Variants in PWP1 observed in about 807,000 individuals in gnomAD.
PWP1 encodes the protein PWP1 homolog, endonuclein, also known as periodic tryptophan protein 1 homolog.
Under a neutral mutation model 69.9 loss-of-function variants are expected in PWP1, and 47 were observed. That is an observed-to-expected ratio of 0.67 (90% CI 0.53 to 0.86). The LOEUF (loss-of-function observed/expected upper bound fraction) is 0.86. Ranked by LOEUF, PWP1 falls within the 40% of genes least tolerant of loss-of-function variation. The pLI is 0.00. For missense variants in PWP1, 551 were observed against 608.8 expected (o/e 0.91, Z 1.00); for synonymous variants, 222 against 208.2 (o/e 1.07, Z -0.57).
At chr12:107,692,792 A>G in intron 3 of PWP1, 22 bp from the exon 4 acceptor site, 1 of 1,569,454 alleles carries the variant, frequency 6.4e-7, no homozygotes, top group Non-Finnish European at 8.7e-7. Flanking sequence ...TTATTATTGT[A>G]GTTTGTCAAT....
At chr12:107,697,861 T>C (rs1030989411) in intron 7 of PWP1, 2 of 503,658 alleles carry the variant, frequency 4.0e-6, no homozygotes, top group Admixed American at 2.3e-5. Context: ...ATAGCTACTA[T>C]AGATGAAGGA....
intron 7 of PWP1, among the ~76,000 whole-genome samples, chr12:107,698,038 T>G (rs973646189): frequency 6.6e-6 from 1 of 152,222 alleles, no homozygotes; most frequent in African/African-American, 2.4e-5. Flanking sequence ...GCTATATTGA[T>G]ACTTGTATAA....
At chr12:107,688,908 A>G (rs1477311434) in intron 3 of PWP1, 106 bp downstream of exon 3, 3 of 1,194,152 alleles carry the variant, frequency 2.5e-6, no homozygotes, top group Admixed American at 4.8e-5. Flanking sequence ...TCTTGACATC[A>G]GTAAGATAAT....
chr12:107,702,888 C>A, intron 8 of PWP1, 47 bp from the exon 9 acceptor site: 1 of 1,174,356 alleles, frequency 8.5e-7, no homozygotes, highest in Non-Finnish European at 1.3e-6. Flanking sequence ...ATATTTAATG[C>A]TCTTGACTTT....
chr12:107,704,563 A>G, intron 10 of PWP1, 73 bp from the exon 11 acceptor site: 1 of 989,740 alleles, frequency 1.0e-6, no homozygotes, highest in Non-Finnish European at 1.6e-6. Context: ...CTATTTTATT[A>G]CTATTTCATT....
intron 1 of PWP1, chr12:107,686,229 A>T (rs958865503): frequency 1.8e-6 from 1 of 560,370 alleles, no homozygotes; most frequent in Non-Finnish European, 3.2e-6. Context: ...TCGCACGCAC[A>T]TGGACTTAGC....
At chr12:107,705,800 T>TC (rs1229457520) in intron 11 of PWP1, among the ~76,000 whole-genome samples, 1 of 152,156 alleles carries the variant, frequency 6.6e-6, no homozygotes, top group Non-Finnish European at 1.5e-5. Context: ...TGGTTCCAAG[T>TC]CTTTTCTATC....
At chr12:107,694,378 AAAAAT>A (rs1889543099) in intron 5 of PWP1, among the ~76,000 whole-genome samples, 1 of 152,196 alleles carries the variant, frequency 6.6e-6, no homozygotes, top group African/African-American at 2.4e-5. Context: ...CACAGCTTGA[AAAAAT>A]AAAACCCTTA....
intron 14 of PWP1, 138 bp downstream of exon 14, chr12:107,710,648 G>GTA: frequency 7.4e-7 from 1 of 1,352,042 alleles, no homozygotes; most frequent in Non-Finnish European, 9.7e-7. Context: ...TCAGCCTTCT[G>GTA]TATAGCTGGG....
intron 8 of PWP1, among the ~76,000 whole-genome samples, chr12:107,701,606 T>G (rs184412146): frequency 2.0e-4 from 31 of 152,308 alleles, no homozygotes; most frequent in Admixed American, 5.2e-4. Context: ...TGAGTTTTTT[T>G]TGTGTGTATG....
At position 107,693,084 on chromosome 12, in the gene PWP1, T is replaced by G. The variant is rs1889517145; in HGVS notation, c.490T>G (p.Leu164Val). The G allele has an allele frequency of 6.2e-7, 1 of 1,610,060 alleles. No homozygotes were observed. Among genetic ancestry groups the G allele is most frequent in the Non-Finnish European group, 8.5e-7 (1 of 1,178,792 alleles). The change falls in exon 5 of 15, where the codon TTA (leucine) becomes GTA (valine). Residue 164 changes from leucine to valine, a missense_variant. Transcript: ENST00000412830. ...CCGAGCTGAACAGGACCAGTGCAATTTAGAGGTGCATGGTAAGTGATAAAT... is the reference window on the plus strand; with the variant it reads ...CCGAGCTGAACAGGACCAGTGCAATGTAGAGGTGCATGGTAAGTGATAAAT... ...CGRAEQDQCNLEVHVYNQEED... is the reference protein window; with the variant it reads ...CGRAEQDQCNVEVHVYNQEED...
chr12:107,711,717 T>C (rs1889956684), intron 14 of PWP1, among the ~76,000 whole-genome samples: 1 of 152,188 alleles, frequency 6.6e-6, no homozygotes, highest in African/African-American at 2.4e-5. Context: ...ACAAGGATCC[T>C]GAGATTTTTC....
intron 5 of PWP1, 84 bp from the exon 6 acceptor site, chr12:107,696,390 T>A: frequency 6.5e-7 from 1 of 1,548,416 alleles, no homozygotes; most frequent in East Asian, 2.3e-5. Flanking sequence ...CACGTACATT[T>A]AATAGAATTT....
Position 107,696,583 on chromosome 12 carries a change from T to C in PWP1, c.612T>C (p.Thr204=), listed in dbSNP as rs755803884. 1.4e-5 allele frequency: 23 copies of C among 1,613,922 alleles called. No individual in the cohort carries two copies. The highest frequency in any genetic ancestry group is 1.7e-5 in the Admixed American group (1 of 59,964). ...LNFDPSPDDS[T]GNYIAVGNMT... ...TTGATCCTAGCCCAGATGATTCTACTGGTAATTAGAAAACTTAAGGTTGTT... is the reference window on the plus strand; with the variant it reads ...TTGATCCTAGCCCAGATGATTCTACCGGTAATTAGAAAACTTAAGGTTGTT... The change falls in exon 6 of 15, where the codon ACT becomes ACC. Residue 204 remains threonine (T), a splice_region_variant and synonymous_variant. Coordinates refer to ENST00000412830, the MANE Select transcript of PWP1 (RefSeq NM_007062.3).
chr12:107,712,132 G>T lies in PWP1; in HGVS notation c.1418G>T (p.Arg473Leu). ...VSSVNEAFGR[R>L]ERLVLGSARN... ...TTAGTAAATGAAGCATTTGGAAGAC[G>T]AGAGAGGCTTGTTCTTGGGAGTGCA... Residue 473 changes from arginine to leucine, a missense_variant, in exon 15 of 15, where the codon CGA becomes CTA. Transcript: ENST00000412830. The T allele has an allele frequency of 6.2e-7, 1 of 1,613,908 alleles. No individual in the cohort carries two copies. The highest frequency in any genetic ancestry group is 1.1e-5 in the South Asian group (1 of 91,056).
rs1430272530 is a variant in PWP1 at position 107,685,882 on chromosome 12, G to T, written c.-18G>T. ...TGCAGCCTGGTTTCTAGCGTGACAC[G>T]CCCTTGACTTGAGGACCATGAACCG... On this transcript the variant is annotated 5_prime_UTR_variant, in exon 1 of 15. Transcript: ENST00000412830. 6.2e-7 allele frequency: 1 copy of T among 1,613,484 alleles called. No individual in the cohort carries two copies. Among genetic ancestry groups the T allele is most frequent in the Non-Finnish European group, 8.5e-7 (1 of 1,179,770 alleles).
intron 8 of PWP1, among the ~76,000 whole-genome samples, chr12:107,702,008 C>T (rs1889721331): frequency 6.6e-6 from 1 of 152,044 alleles, no homozygotes; most frequent in Admixed American, 6.6e-5. Flanking sequence ...CCCCATTGAA[C>T]ATTTAATTAC....
chr12:107,700,058 G>A (rs1889676086), intron 8 of PWP1, among the ~76,000 whole-genome samples: 1 of 152,158 alleles, frequency 6.6e-6, no homozygotes, highest in South Asian at 2.1e-4. Context: ...GTCAGATCTT[G>A]TGAGACCCAT....
Position 107,697,558 on chromosome 12 carries a change from A to C in PWP1, c.705A>C (p.Gly235=). The C allele has an allele frequency of 6.2e-7, 1 of 1,607,642 alleles. No homozygotes were observed. Among genetic ancestry groups the C allele is most frequent in the South Asian group, 1.1e-5 (1 of 89,618 alleles). Reference sequence around the variant, plus strand: ...CTTTAGAGCCAGTCTTCACACTCGGAAGTAAACTTTCAAAAAAGAAGAAAA... The same window carrying C: ...CTTTAGAGCCAGTCTTCACACTCGGCAGTAAACTTTCAAAAAAGAAGAAAA... ...VDSLEPVFTL[G]SKLSKKKKKK... Residue 235 remains glycine (G), a synonymous_variant, in exon 7 of 15, where the codon GGA becomes GGC. Coordinates refer to ENST00000412830, the MANE Select transcript of PWP1 (RefSeq NM_007062.3).
Sources: gnomAD v4.1 joint callset for allele counts (sites outside exome capture counted in the v4.1 genomes callset) on GRCh38, gnomAD v4.1.1 for gene constraint, MANE v1.5 for transcripts, NCBI Gene and HGNC (gene_info 2026-07-23, HGNC 2026-07-21) for gene names.